The following GRM7 variants were observed in gnomAD, a reference collection of about 807,000 sequenced individuals.
The protein encoded by GRM7 is glutamate metabotropic receptor 7.
In GRM7, 35 loss-of-function variants were observed where a neutral mutation model predicts 84.5. The ratio of observed to expected loss-of-function variants is 0.41; its 90% confidence interval spans 0.32 to 0.55. The LOEUF (loss-of-function observed/expected upper bound fraction) is 0.55, where lower values mean the gene tolerates loss of function less well. GRM7 is among the 20% of genes least tolerant of loss of function. GRM7 has a pLI of 0.19. For synonymous variants in GRM7, 487 were observed against 455.1 expected (o/e 1.07, Z -0.89); for missense variants, 1,003 against 1,194.6 (o/e 0.84, Z 2.36).
At chr3:7,273,860 A>G (rs1698956224) in intron 2 of GRM7, among the ~76,000 whole-genome samples, 1 of 151,946 alleles carries the variant, frequency 6.6e-6, no homozygotes, top group African/African-American at 2.4e-5. Context: ...ATTGATGTTT[A>G]AAGTGAATAT....
chr3:7,559,646 C>T (rs984641129), intron 7 of GRM7, among the ~76,000 whole-genome samples: 5 of 152,090 alleles, frequency 3.3e-5, no homozygotes, highest in African/African-American at 1.2e-4. Context: ...TATTATTTCT[C>T]AACTCTGCGA....
intron 5 of GRM7, among the ~76,000 whole-genome samples, chr3:7,422,532 A>T (rs2124830513): frequency 6.6e-6 from 1 of 152,270 alleles, no homozygotes; most frequent in African/African-American, 2.4e-5. Flanking sequence ...ATATCCCGTT[A>T]GTTTCTCCCT....
At chr3:7,631,259 A>T (rs1320482726) in intron 8 of GRM7, among the ~76,000 whole-genome samples, 1 of 152,146 alleles carries the variant, frequency 6.6e-6, no homozygotes, top group Non-Finnish European at 1.5e-5. Flanking sequence ...TTTCTGCTGC[A>T]AATCTTTGTA....
intron 1 of GRM7, among the ~76,000 whole-genome samples, chr3:7,064,003 G>A (rs929118361): frequency 6.6e-6 from 1 of 151,672 alleles, no homozygotes; most frequent in Non-Finnish European, 1.5e-5. Context: ...GATCCACACA[G>A]TCATTTAGGG....
chr3:7,242,481 T>G (rs1439162264), intron 2 of GRM7, among the ~76,000 whole-genome samples: 1 of 152,218 alleles, frequency 6.6e-6, no homozygotes, highest in Non-Finnish European at 1.5e-5. Context: ...AAACTATGCT[T>G]TGTCTTATGC....
intron 1 of GRM7, among the ~76,000 whole-genome samples, chr3:6,869,806 AG>A (rs1215049090): frequency 2.0e-4 from 30 of 152,222 alleles, no homozygotes; most frequent in Admixed American, 2.0e-3. Context: ...GAGCAGTGGA[AG>A]TCTGGCAGCC....
chr3:7,512,230 C>T (rs890893688), intron 7 of GRM7, among the ~76,000 whole-genome samples: 2 of 152,074 alleles, frequency 1.3e-5, no homozygotes, highest in African/African-American at 4.8e-5. Context: ...AGTGGCAAGC[C>T]TGTTTTACTT....
At chr3:7,431,406 G>A (rs1280028939) in intron 5 of GRM7, among the ~76,000 whole-genome samples, 1 of 152,114 alleles carries the variant, frequency 6.6e-6, no homozygotes, top group Non-Finnish European at 1.5e-5. Context: ...TTCCTTCTTA[G>A]TGGGGGGAGA....
chr3:7,001,513 A>G (rs1365819969), intron 1 of GRM7, among the ~76,000 whole-genome samples: 1 of 152,182 alleles, frequency 6.6e-6, no homozygotes, highest in Non-Finnish European at 1.5e-5. Context: ...TGGAAAACAC[A>G]CCTATTTGTA....
At chr3:7,479,506 G>T (rs1039138205) in intron 7 of GRM7, among the ~76,000 whole-genome samples, 4 of 152,088 alleles carry the variant, frequency 2.6e-5, no homozygotes, top group African/African-American at 9.7e-5. Context: ...TTCCCTCCCA[G>T]AGTTTCTGTG....
intron 2 of GRM7, among the ~76,000 whole-genome samples, chr3:7,191,106 C>T (rs1355331488): frequency 6.6e-6 from 1 of 151,772 alleles, no homozygotes; most frequent in Non-Finnish European, 1.5e-5. Flanking sequence ...CTTTTGAGTC[C>T]ACAGGATTCT....
At chr3:6,967,787 A>G (rs1211447811) in intron 1 of GRM7, among the ~76,000 whole-genome samples, 1 of 152,190 alleles carries the variant, frequency 6.6e-6, no homozygotes, top group Non-Finnish European at 1.5e-5. Context: ...GGCAGACATG[A>G]GCTGGAATCC....
chr3:7,522,994 A>T (rs759389822), intron 7 of GRM7, among the ~76,000 whole-genome samples: 63 of 152,242 alleles, frequency 4.1e-4, no homozygotes, highest in Admixed American at 6.5e-4. Context: ...TGTCCTCAAG[A>T]AAGAAAGAAG....
chr3:7,195,844 T>C (rs555737220), intron 2 of GRM7, among the ~76,000 whole-genome samples: 2 of 152,274 alleles, frequency 1.3e-5, no homozygotes, highest in East Asian at 3.9e-4. Flanking sequence ...TTACCTACAG[T>C]GGCTTCCCAT....
At chr3:7,531,276 G>A (rs1362214216) in intron 7 of GRM7, among the ~76,000 whole-genome samples, 1 of 152,018 alleles carries the variant, frequency 6.6e-6, no homozygotes, top group African/African-American at 2.4e-5. Context: ...TATATCTGAG[G>A]CCTTTTTTTC....
intron 7 of GRM7, among the ~76,000 whole-genome samples, chr3:7,571,167 C>T (rs1575507172): frequency 6.6e-6 from 1 of 152,162 alleles, no homozygotes; most frequent in African/African-American, 2.4e-5. Context: ...CTGACATGCC[C>T]TGGAGACATT....
At chr3:7,575,080 C>G (rs1694895140) in intron 7 of GRM7, among the ~76,000 whole-genome samples, 1 of 152,144 alleles carries the variant, frequency 6.6e-6, no homozygotes, top group Non-Finnish European at 1.5e-5. Flanking sequence ...TGCTCTTTCC[C>G]TAAACTACTG....
intron 1 of GRM7, among the ~76,000 whole-genome samples, chr3:6,883,064 A>G (rs573784166): frequency 6.6e-6 from 1 of 151,518 alleles, no homozygotes; most frequent in South Asian, 2.1e-4. Context: ...CACACTCTCT[A>G]CAGTACCAGC....
chr3:7,403,649 ATG>A (rs1491084177), intron 4 of GRM7, among the ~76,000 whole-genome samples: 1 of 143,194 alleles, frequency 7.0e-6, no homozygotes, highest in African/African-American at 2.6e-5. Context: ...ATATATATAT[ATG>A]TACATACACA....
Sources: allele counts gnomAD v4.1 joint callset (sites outside exome capture counted in the v4.1 genomes callset), GRCh38; gene constraint gnomAD v4.1.1; transcripts MANE v1.5; gene names NCBI Gene and HGNC (gene_info 2026-07-23, HGNC 2026-07-21).